The following TAFA4 variants were observed in gnomAD, a reference collection of about 807,000 sequenced individuals.
TAFA4 encodes the protein TAFA chemokine like family member 4.
In TAFA4, 20 loss-of-function variants were observed where a neutral mutation model predicts 21.1. That is an observed-to-expected ratio of 0.95 (90% confidence interval 0.67 to 1.38). TAFA4 has a LOEUF of 1.38. Among genes scored for constraint, TAFA4 ranks in the 40% most tolerant of loss-of-function variants. The pLI, the probability that TAFA4 is intolerant of heterozygous loss-of-function variation, is 0.00. For missense variants in TAFA4, 211 were observed against 180.9 expected, an observed-to-expected ratio of 1.17 and a Z score of -0.95; for synonymous variants, 71 against 67.4, an observed-to-expected ratio of 1.05 and a Z score of -0.26.
chr3:68,891,912 G>T (rs2089734174), intron 1 of TAFA4, among the ~76,000 whole-genome samples: 1 of 152,132 alleles, frequency 6.6e-6, no homozygotes, highest in Non-Finnish European at 1.5e-5. Flanking sequence ...TTAGAAATCT[G>T]CAAACAGCTT....
rs539935861 is a variant in TAFA4 at position 68,872,109 on chromosome 3, T to C, written c.130+8621A>G. ...GGAGATAACTATACTCCCATGTTTA[T>C]TGCAGCCATATTTACAGCAGCCAAG... On this transcript the variant is annotated intron_variant, in intron 3 of 5. Coordinates refer to ENST00000295569, the MANE Select transcript of TAFA4 (RefSeq NM_182522.5). Among the ~76,000 whole-genome samples the C allele has an allele frequency of 1.6e-4, 25 of 152,232 alleles. No individual in the cohort carries two copies. The East Asian group carries it at 3.7e-3, about 22-fold the overall frequency.
chr3:68,785,813 A>G (rs1157294175), intron 3 of TAFA4, among the ~76,000 whole-genome samples: 2 of 152,248 alleles, frequency 1.3e-5, no homozygotes, highest in African/African-American at 4.8e-5. Context: ...GAGGGCTGTG[A>G]GGACTGCCAG....
intron 3 of TAFA4, among the ~76,000 whole-genome samples, chr3:68,874,275 T>C (rs2089521170): frequency 6.6e-6 from 1 of 152,176 alleles, no homozygotes. Flanking sequence ...CAATCCTTTG[T>C]AATGGGTTTT....
intron 1 of TAFA4, among the ~76,000 whole-genome samples, chr3:68,901,316 T>TA (rs796923082): frequency 2.3e-3 from 329 of 144,054 alleles, no homozygotes; most frequent in East Asian, 7.4e-3. Context: ...CTATTTCACT[T>TA]AAAAAAAAAA....
At chr3:68,867,749 A>G (rs1057382501) in intron 3 of TAFA4, among the ~76,000 whole-genome samples, 1 of 152,062 alleles carries the variant, frequency 6.6e-6, no homozygotes, top group African/African-American at 2.4e-5. Flanking sequence ...TTTCTTTGTA[A>G]TCACTTATCG....
At chr3:68,805,047 C>A (rs1703662492) in intron 3 of TAFA4, among the ~76,000 whole-genome samples, 1 of 152,138 alleles carries the variant, frequency 6.6e-6, no homozygotes. Flanking sequence ...TTTTCACAAC[C>A]TACTCATCTG....
intron 1 of TAFA4, among the ~76,000 whole-genome samples, chr3:68,908,909 C>G (rs1204983962): frequency 6.6e-6 from 1 of 152,148 alleles, no homozygotes; most frequent in Non-Finnish European, 1.5e-5. Context: ...CCCAGATGGT[C>G]AAAAAGCCAG....
intron 3 of TAFA4, among the ~76,000 whole-genome samples, chr3:68,782,769 A>G (rs111866246): frequency 2.0e-5 from 3 of 152,314 alleles, no homozygotes; most frequent in African/African-American, 7.2e-5. Flanking sequence ...GTAGCAGTTT[A>G]AAGCATATGA....
intron 2 of TAFA4, among the ~76,000 whole-genome samples, chr3:68,882,324 T>A (rs201784663): frequency 1.4e-5 from 2 of 147,030 alleles, no homozygotes; most frequent in Non-Finnish European, 3.0e-5. Flanking sequence ...ATCTGTGCTT[T>A]AAAAAAAAAA....
chr3:68,778,010 T>C (rs369174911), intron 3 of TAFA4, among the ~76,000 whole-genome samples: 12 of 152,276 alleles, frequency 7.9e-5, no homozygotes, highest in East Asian at 5.8e-4. Flanking sequence ...TCTCCATTGT[T>C]AAGCAACACA....
intron 3 of TAFA4, among the ~76,000 whole-genome samples, chr3:68,799,645 G>C (rs1703530772): frequency 1.3e-5 from 2 of 152,144 alleles, no homozygotes; most frequent in African/African-American, 4.8e-5. Flanking sequence ...GATCAGTCAG[G>C]AAGAAGGCAA....
chr3:68,774,421 C>T (rs1479377164), intron 3 of TAFA4, among the ~76,000 whole-genome samples: 1 of 152,188 alleles, frequency 6.6e-6, no homozygotes, highest in Non-Finnish European at 1.5e-5. Flanking sequence ...TACAGAGGCA[C>T]TGCTTGTGGA....
intron 3 of TAFA4, among the ~76,000 whole-genome samples, chr3:68,777,910 T>C (rs1703078105): frequency 6.6e-6 from 1 of 152,126 alleles, no homozygotes; most frequent in Non-Finnish European, 1.5e-5. Context: ...ATAACCTAGG[T>C]GTGTAGTAGT....
intron 4 of TAFA4, among the ~76,000 whole-genome samples, chr3:68,744,515 T>A (rs979551509): frequency 6.6e-6 from 1 of 152,156 alleles, no homozygotes; most frequent in Non-Finnish European, 1.5e-5. Context: ...AAGTGAGAAA[T>A]TGCGGAATAA....
At chr3:68,791,361 T>C (rs923365306) in intron 3 of TAFA4, among the ~76,000 whole-genome samples, 5 of 152,056 alleles carry the variant, frequency 3.3e-5, no homozygotes, top group Admixed American at 2.0e-4. Flanking sequence ...GAGGCCGAGA[T>C]TGAAGTGCTC....
intron 3 of TAFA4, among the ~76,000 whole-genome samples, chr3:68,837,215 T>G (rs1025720901): frequency 1.3e-5 from 2 of 152,246 alleles, no homozygotes; most frequent in Admixed American, 6.5e-5. Flanking sequence ...AATCTCTTGC[T>G]ATGCTAAATG....
chr3:68,747,462 T>C (rs1212488971), intron 4 of TAFA4, among the ~76,000 whole-genome samples: 1 of 152,162 alleles, frequency 6.6e-6, no homozygotes, highest in Non-Finnish European at 1.5e-5. Flanking sequence ...GCAGTTCCCC[T>C]GCACACACTC....
chr3:68,778,787 A>G (rs1297430547), intron 3 of TAFA4, among the ~76,000 whole-genome samples: 1 of 152,200 alleles, frequency 6.6e-6, no homozygotes, highest in East Asian at 1.9e-4. Flanking sequence ...AGTCTCAGGT[A>G]TATCTTTAGC....
At chr3:68,867,267 G>A (rs368710971) in intron 3 of TAFA4, among the ~76,000 whole-genome samples, 17 of 152,192 alleles carry the variant, frequency 1.1e-4, no homozygotes, top group African/African-American at 4.1e-4. Context: ...GGCCAGGAAA[G>A]ATGGGACAAC....
Sources: gnomAD v4.1 joint callset for allele counts (sites outside exome capture counted in the v4.1 genomes callset) on GRCh38, gnomAD v4.1.1 for gene constraint, MANE v1.5 for transcripts, NCBI Gene and HGNC (gene_info 2026-07-23, HGNC 2026-07-21) for gene names.